EZH1: variants seen among roughly 807,000 people sequenced by gnomAD.
EZH1 encodes enhancer of zeste 1 polycomb repressive complex 2 subunit, also known as histone-lysine N-methyltransferase EZH1.
EZH1 carries 33 observed loss-of-function variants against 100.5 expected under a neutral mutation model. That is an observed-to-expected ratio of 0.33 (90% CI 0.25 to 0.44). The LOEUF is 0.44. EZH1 is among the 20% of genes least tolerant of loss of function. The pLI, the probability that EZH1 is intolerant of heterozygous loss-of-function variation, is 1.00. For synonymous variants in EZH1, 272 were observed against 313.8 expected (o/e 0.87, Z 1.41); for missense variants, 475 against 928.4 (o/e 0.51, Z 6.35).
chr17:42,735,648 T>C (rs1476437985), intron 1 of EZH1, among the ~76,000 whole-genome samples: 2 of 152,132 alleles, frequency 1.3e-5, no homozygotes, highest in African/African-American at 4.8e-5. Flanking sequence ...AAAATATTTA[T>C]ATAAGCAAGT....
intron 5 of EZH1, among the ~76,000 whole-genome samples, chr17:42,723,573 TA>T (rs1445047442): frequency 6.6e-6 from 1 of 152,154 alleles, no homozygotes; most frequent in Non-Finnish European, 1.5e-5. Context: ...AATGGGAACC[TA>T]AAGTCAACTG....
rs1329965684 is a variant in EZH1, at chr17:42,701,342, A to T, written c.*1190T>A. On this transcript the variant is annotated 3_prime_UTR_variant, in exon 21 of 21. Coordinates refer to ENST00000428826, the MANE Select transcript of EZH1 (RefSeq NM_001991.5). The stretch of plus-strand genomic sequence containing the variant: ...CTGCATGAATGCCAGAGAGGGTGGC[A>T]CCACAGCCTGGGACAGGTGGTCTAC... 2 of 152,886 alleles carry T rather than the reference A, an allele frequency of 1.3e-5. No individual in the cohort carries two copies. The highest frequency in any genetic ancestry group is 2.9e-5 in the Non-Finnish European group (2 of 68,126). The allele number at this position is 152,886 out of a possible 1,614,324, so 9.5% of individuals were successfully genotyped here. A position where few individuals can be genotyped will look rare whatever the true frequency, so the allele number is the denominator to read the frequency against.
chr17:42,714,478 T>TA, intron 10 of EZH1: 1 of 297,260 alleles, frequency 3.4e-6, no homozygotes, highest in Non-Finnish European at 6.8e-6. Flanking sequence ...CTATGAGACC[T>TA]AAAGTTCCTA....
At chr17:42,711,245 G>A (rs1034928064) in intron 12 of EZH1, among the ~76,000 whole-genome samples, 5 of 152,048 alleles carry the variant, frequency 3.3e-5, no homozygotes, top group South Asian at 2.1e-4. Context: ...AGGCCGAGGC[G>A]GGTGGATCAC....
chr17:42,721,243 G>T (rs1227564377), intron 6 of EZH1, among the ~76,000 whole-genome samples: 2 of 152,164 alleles, frequency 1.3e-5, no homozygotes, highest in African/African-American at 2.4e-5. Flanking sequence ...CATCACAACA[G>T]TGCCCACAAT....
chr17:42,740,919 G>C (rs1056480402), intron 1 of EZH1, among the ~76,000 whole-genome samples: 27 of 152,218 alleles, frequency 1.8e-4, no homozygotes, highest in African/African-American at 6.5e-4. Context: ...AGTCTCAACT[G>C]ATGATTGACT....
rs1179238227 is a variant in EZH1, at chr17:42,706,303, A to G, written c.1661-118T>C. 4 of 854,638 alleles carry G rather than the reference A, an allele frequency of 4.7e-6. No homozygotes were observed. Among genetic ancestry groups the G allele is most frequent in the South Asian group, 2.8e-5 (1 of 36,300 alleles). 52.9% of individuals were successfully genotyped at this position (854,638 alleles called of 1,614,324 possible). On this transcript the variant is annotated intron_variant, in intron 15 of 20. Coordinates refer to ENST00000428826, the MANE Select transcript of EZH1 (RefSeq NM_001991.5). The surrounding 1 kb of genome is among the most constrained non-coding windows in gnomAD (Gnocchi z 4.4). ...TGTGTTCAAGGATGTTTGGCAAAAT[A>G]AGAGGAAGCTCCCTTCCCAATAATC...
At chr17:42,723,946 C>T (rs527415392) in intron 5 of EZH1, among the ~76,000 whole-genome samples, 40 of 152,286 alleles carry the variant, frequency 2.6e-4, no homozygotes, top group Non-Finnish European at 5.0e-4. Flanking sequence ...GAAAGGATTA[C>T]TCCATCAACA....
intron 1 of EZH1, among the ~76,000 whole-genome samples, chr17:42,732,627 GC>G: frequency 1.3e-5 from 2 of 152,136 alleles, no homozygotes; most frequent in Non-Finnish European, 2.9e-5. Flanking sequence ...AATTAGCCTG[GC>G]GAGGTGGCGG....
intron 1 of EZH1, among the ~76,000 whole-genome samples, chr17:42,736,577 G>A (rs1268803706): frequency 6.6e-6 from 1 of 152,194 alleles, no homozygotes; most frequent in Non-Finnish European, 1.5e-5. Flanking sequence ...GCTCACGCCT[G>A]TAATCCCAGC....
chr17:42,735,962 G>T (rs1323359444), intron 1 of EZH1, among the ~76,000 whole-genome samples: 1 of 152,004 alleles, frequency 6.6e-6, no homozygotes, highest in African/African-American at 2.4e-5. Flanking sequence ...TCCAACCTGG[G>T]AGACAGCGAG....
intron 14 of EZH1, among the ~76,000 whole-genome samples, chr17:42,708,536 T>A (rs2053408428): frequency 6.6e-6 from 1 of 152,068 alleles, no homozygotes; most frequent in Non-Finnish European, 1.5e-5. Flanking sequence ...ATGCCTGTAA[T>A]CCCAGCTACT....
chr17:42,725,368 A>T (rs2053798754), intron 4 of EZH1, among the ~76,000 whole-genome samples: 1 of 151,840 alleles, frequency 6.6e-6, no homozygotes, highest in African/African-American at 2.4e-5. Context: ...TCCCAGGCTA[A>T]AGCCATCCTC....
At position 42,727,766 on chromosome 17, in the gene EZH1, A is replaced by G; in HGVS notation, c.118-3T>C. On this transcript the variant is annotated splice_polypyrimidine_tract_variant and splice_region_variant and intron_variant, in intron 3 of 20. Coordinates refer to ENST00000428826, the MANE Select transcript of EZH1 (RefSeq NM_001991.5). The stretch of plus-strand genomic sequence containing the variant: ...GCAAAATTTGCCACATACAAAGCCT[A>G]GCAAAGCCATGGAAAAGATTAAGAT... The G allele has an allele frequency of 1.9e-6, 3 of 1,588,616 alleles. No individual in the cohort carries two copies. The highest frequency in any genetic ancestry group is 2.6e-6 in the Non-Finnish European group (3 of 1,171,810).
Position 42,706,040 on chromosome 17 carries a change from A to G in EZH1, c.1806T>C (p.Cys602=), listed in dbSNP as rs2053347697. 2 of 1,613,756 alleles carry G rather than the reference A, an allele frequency of 1.2e-6. No individual in the cohort carries two copies. Among genetic ancestry groups the G allele is most frequent in the Non-Finnish European group, 1.7e-6 (2 of 1,179,890 alleles). ...GTCCACGCTGGATGCTGCAGTTTTTACAGGAAACCACCTTGCAGTCCCAGT... is the reference window on the plus strand; with the variant it reads ...GTCCACGCTGGATGCTGCAGTTTTTGCAGGAAACCACCTTGCAGTCCCAGT... ...SEHWDCKVVS[C]KNCSIQRGLK... Residue 602 remains cysteine (C), a synonymous_variant, in exon 16 of 21, where the codon TGT becomes TGC. Coordinates refer to ENST00000428826, the MANE Select transcript of EZH1 (RefSeq NM_001991.5). This position sits in a 1 kb window ranked among gnomAD's most constrained non-coding sequence, Gnocchi z 4.4.
chr17:42,720,458 T>C lies in EZH1; in HGVS notation c.488-9A>G, dbSNP rs749423693. 10 of 1,601,274 alleles carry C rather than the reference T, an allele frequency of 6.2e-6. No individual in the cohort carries two copies. The highest frequency in any genetic ancestry group is 1.1e-5 in the South Asian group (1 of 88,978). Reference sequence around the variant, plus strand: ...GGATCCAGGGATCATCTCTGAAACATGAGGATTCGAAAGATGAGCAGTGGT... The same window carrying C: ...GGATCCAGGGATCATCTCTGAAACACGAGGATTCGAAAGATGAGCAGTGGT... On this transcript the variant is annotated splice_polypyrimidine_tract_variant and intron_variant, in intron 6 of 20. Coordinates refer to ENST00000428826, the MANE Select transcript of EZH1 (RefSeq NM_001991.5).
At chr17:42,741,914 C>G (rs77261588) in intron 1 of EZH1, among the ~76,000 whole-genome samples, 140 of 151,806 alleles carry the variant, frequency 9.2e-4, no homozygotes, top group African/African-American at 3.0e-3. Flanking sequence ...TGGTCTCACA[C>G]TTCTGAACTC....
Position 42,745,015 on chromosome 17 carries a change from C to T in EZH1, c.-107G>A. The stretch of plus-strand genomic sequence containing the variant: ...CAGGCTTGTTTACTCACTCACCCTC[C>T]ATCCCGAGCCGCGGGTCCCGCTGCT... On this transcript the variant is annotated 5_prime_UTR_variant, in exon 1 of 21. An upstream start codon of the reference 5' UTR is lost. Coordinates refer to ENST00000428826, the MANE Select transcript of EZH1 (RefSeq NM_001991.5). 1 of 1,273,086 alleles carries T rather than the reference C, an allele frequency of 7.9e-7. No individual in the cohort carries two copies. Among genetic ancestry groups the T allele is most frequent in the Non-Finnish European group, 1.0e-6 (1 of 982,596 alleles). The allele number at this position is 1,273,086 out of a possible 1,614,324, so 78.9% of individuals were successfully genotyped here. A position where few individuals can be genotyped will look rare whatever the true frequency, so the allele number is the denominator to read the frequency against.
In EZH1 at chr17:42,745,008, C is replaced by G. The variant is rs569849266; in HGVS notation, c.-103+3G>C. On this transcript the variant is annotated splice_donor_region_variant and intron_variant, in intron 1 of 20. Transcript: ENST00000428826. ...CCCGGCCCAGGCTTGTTTACTCACT[C>G]ACCCTCCATCCCGAGCCGCGGGTCC... 3.6e-4 allele frequency: 458 copies of G among 1,274,744 alleles called. 4 individuals are homozygous for G. The South Asian group carries it at 4.0e-3, about 11-fold the overall frequency. The allele number at this position is 1,274,744 out of a possible 1,614,324, so 79.0% of individuals were successfully genotyped here.
Sources: allele counts gnomAD v4.1 joint callset (sites outside exome capture counted in the v4.1 genomes callset), GRCh38; gene constraint gnomAD v4.1.1; non-coding constraint Gnocchi (gnomAD v3.1); transcripts MANE v1.5; gene names NCBI Gene and HGNC (gene_info 2026-07-23, HGNC 2026-07-21).